Variants in TDRD1 observed in about 807,000 individuals in gnomAD.
TDRD1 encodes the protein tudor domain-containing protein 1.
A neutral mutation model predicts 140.6 loss-of-function variants in TDRD1; 37 were observed. The observed-to-expected ratio is 0.26, with a 90% CI of 0.20 to 0.35. The LOEUF is 0.35. Among genes scored for constraint, TDRD1 ranks in the 10% least tolerant of loss-of-function variants. The pLI is 1.00. For synonymous variants in TDRD1, 506 were observed against 475.7 expected (o/e 1.06, Z -0.83); for missense variants, 1,243 against 1,393.0 (o/e 0.89, Z 1.71).
chr10:114,210,988 A>C, intron 13 of TDRD1, 21 bp downstream of exon 13: 1 of 1,538,798 alleles, frequency 6.5e-7, no homozygotes. Context: ...AGTATTACTG[A>C]TTTTTAAAAT....
intron 3 of TDRD1, among the ~76,000 whole-genome samples, chr10:114,192,638 GT>G (rs2034068882): frequency 6.6e-6 from 1 of 152,022 alleles, no homozygotes; most frequent in Non-Finnish European, 1.5e-5. Flanking sequence ...TCCATTTTCA[GT>G]TAATTTTAAG....
intron 3 of TDRD1, among the ~76,000 whole-genome samples, chr10:114,194,054 G>C (rs1009250021): frequency 1.1e-4 from 16 of 152,096 alleles, no homozygotes; most frequent in African/African-American, 2.9e-4. Flanking sequence ...ACTCCACTTG[G>C]TCGTGATATA....
chr10:114,185,166 C>T (rs2033416814), intron 1 of TDRD1, among the ~76,000 whole-genome samples: 1 of 152,050 alleles, frequency 6.6e-6, no homozygotes, highest in Admixed American at 6.6e-5. Context: ...TTCAAAGATT[C>T]CTGGCTGCTT....
intron 3 of TDRD1, among the ~76,000 whole-genome samples, chr10:114,193,194 A>C (rs1025897581): frequency 1.3e-5 from 2 of 151,768 alleles, no homozygotes; most frequent in Admixed American, 1.3e-4. Context: ...GTAATTGTAA[A>C]TACTGTTGTA....
intron 13 of TDRD1, 94 bp downstream of exon 13, chr10:114,211,061 G>C: frequency 2.1e-6 from 2 of 931,194 alleles, no homozygotes; most frequent in Non-Finnish European, 3.2e-6. Flanking sequence ...TCTTTGGTTT[G>C]CACTGATGGC....
Position 114,213,960 on chromosome 10 carries a change from T to C in TDRD1, c.2075-17T>C. On this transcript the variant is annotated splice_polypyrimidine_tract_variant and intron_variant, in intron 15 of 25. Transcript: ENST00000251864. ...CCTCCTCCACTATGTCCATTTAATG[T>C]TTAATTATTTTCACAGTTCCCTTGG... 1 of 1,613,696 alleles carries C rather than the reference T, an allele frequency of 6.2e-7. No individual in the cohort carries two copies.
chr10:114,214,951 C>A (rs1327177764), intron 16 of TDRD1, among the ~76,000 whole-genome samples: 1 of 152,054 alleles, frequency 6.6e-6, no homozygotes, highest in Non-Finnish European at 1.5e-5. Flanking sequence ...CCGTGTTAGC[C>A]AGGATGGTCT....
chr10:114,228,905 G>A (rs575693015), intron 25 of TDRD1: 24 of 348,842 alleles, frequency 6.9e-5, no homozygotes, highest in East Asian at 1.7e-4. Context: ...CCAAGATGGC[G>A]AAACACTGCC....
At chr10:114,207,859 CT>C (rs772874028) in intron 11 of TDRD1, among the ~76,000 whole-genome samples, 52 of 151,934 alleles carry the variant, frequency 3.4e-4, no homozygotes, top group Non-Finnish European at 6.8e-4. Flanking sequence ...CGCTAAGGCA[CT>C]GTGAAGGTGC....
intron 4 of TDRD1, among the ~76,000 whole-genome samples, chr10:114,200,497 A>T (rs2034657203): frequency 6.6e-6 from 1 of 151,702 alleles, no homozygotes; most frequent in Non-Finnish European, 1.5e-5. Context: ...CTCATTGTTT[A>T]TTTTTTGTTG....
chr10:114,206,775 A>G (rs983536674), intron 11 of TDRD1, among the ~76,000 whole-genome samples: 2 of 151,854 alleles, frequency 1.3e-5, no homozygotes, highest in Non-Finnish European at 2.9e-5. Flanking sequence ...TAGCACGCCC[A>G]GCTAATTTTT....
At chr10:114,200,712 G>A (rs1056050628) in intron 4 of TDRD1, among the ~76,000 whole-genome samples, 15 of 151,950 alleles carry the variant, frequency 9.9e-5, no homozygotes, top group Admixed American at 3.9e-4. Context: ...TTGTAGAGAC[G>A]GGGTTTCACC....
At chr10:114,199,108 A>C in intron 3 of TDRD1, 65 bp from the exon 4 acceptor site, 1 of 1,542,676 alleles carries the variant, frequency 6.5e-7, no homozygotes, top group South Asian at 1.3e-5. Context: ...AGTAGTCCCA[A>C]ATCTAGTATT....
chr10:114,185,856 T>C (rs2033478150), intron 1 of TDRD1, among the ~76,000 whole-genome samples: 1 of 152,242 alleles, frequency 6.6e-6, no homozygotes, highest in Non-Finnish European at 1.5e-5. Flanking sequence ...CCCAAAGTGC[T>C]TGAATTACAG....
chr10:114,211,813 A>T, intron 13 of TDRD1, 53 bp from the exon 14 acceptor site: 1 of 1,440,046 alleles, frequency 6.9e-7, no homozygotes, highest in Non-Finnish European at 9.1e-7. Flanking sequence ...AAAGGTTTTT[A>T]TTTACATCTA....
At chr10:114,184,299 A>G (rs2120037998) in intron 1 of TDRD1, among the ~76,000 whole-genome samples, 1 of 152,206 alleles carries the variant, frequency 6.6e-6, no homozygotes, top group African/African-American at 2.4e-5. Flanking sequence ...TGGCCTGCAA[A>G]TAACAGCTTA....
At chr10:114,199,431 A>G in intron 4 of TDRD1, 114 bp downstream of exon 4, 1 of 1,328,650 alleles carries the variant, frequency 7.5e-7, no homozygotes, top group South Asian at 1.7e-5. Context: ...CCCATGCCAC[A>G]CACCCGTCTC....
intron 14 of TDRD1, among the ~76,000 whole-genome samples, chr10:114,212,642 ACTGTTGGATTGCTGATTTGTAAGTGCCCT>A (rs2035559097): frequency 6.6e-6 from 1 of 152,186 alleles, no homozygotes; most frequent in African/African-American, 2.4e-5. Context: ...CTGAAGCATA[ACTGTTGGATTGCTGATTTGTAAGTGCCCT>A]TTCAGTGTTG....
At chr10:114,178,177 C>G (rs2032761282), upstream of TDRD1, among the ~76,000 whole-genome samples, 1 of 152,020 alleles carries the variant, frequency 6.6e-6, no homozygotes, top group Non-Finnish European at 1.5e-5. Flanking sequence ...AAATCTGAAA[C>G]TGCTCTAAAA....
Sources: allele counts gnomAD v4.1 joint callset (sites outside exome capture counted in the v4.1 genomes callset), GRCh38; gene constraint gnomAD v4.1.1; transcripts MANE v1.5; gene names NCBI Gene and HGNC (gene_info 2026-07-23, HGNC 2026-07-21).